Variants in PPP1R14C observed in about 807,000 individuals in gnomAD.
PPP1R14C encodes the protein protein phosphatase 1 regulatory subunit 14C.
PPP1R14C carries 16 observed loss-of-function variants against 20.4 expected under a neutral mutation model. The observed-to-expected ratio is 0.78, with a 90% CI of 0.53 to 1.19. The LOEUF (loss-of-function observed/expected upper bound fraction) is 1.19, where lower values mean the gene tolerates loss of function less well. Ranked by LOEUF, PPP1R14C falls within the 50% of genes most tolerant of loss-of-function variation. PPP1R14C has a pLI of 0.00. For missense variants in PPP1R14C, 211 were observed against 220.1 expected, an observed-to-expected ratio of 0.96 and a Z score of 0.26; for synonymous variants, 91 against 91.0, an observed-to-expected ratio of 1.00 and a Z score of 0.00.
At chr6:150,218,200 G>A (rs897578440) in intron 3 of PPP1R14C, among the ~76,000 whole-genome samples, 2 of 151,978 alleles carry the variant, frequency 1.3e-5, no homozygotes, top group African/African-American at 4.8e-5. Context: ...TCAGGAGATC[G>A]AGGCCATCCT....
intron 1 of PPP1R14C, among the ~76,000 whole-genome samples, chr6:150,165,512 G>T (rs1777413126): frequency 6.6e-6 from 1 of 152,228 alleles, no homozygotes; most frequent in Non-Finnish European, 1.5e-5. Flanking sequence ...TAACCATCCA[G>T]CCAGTCATGC....
chr6:150,219,184 T>C (rs1778136613), intron 3 of PPP1R14C, among the ~76,000 whole-genome samples: 1 of 152,100 alleles, frequency 6.6e-6, no homozygotes. Flanking sequence ...CCTTTTTGTA[T>C]AGCCCTTTGT....
At chr6:150,176,853 G>C (rs1351860042) in intron 1 of PPP1R14C, among the ~76,000 whole-genome samples, 1 of 152,178 alleles carries the variant, frequency 6.6e-6, no homozygotes, top group East Asian at 1.9e-4. Context: ...AGACCCTGTG[G>C]GCAAGGAGAT....
intron 1 of PPP1R14C, among the ~76,000 whole-genome samples, chr6:150,180,107 C>T (rs550006781): frequency 4.6e-5 from 7 of 152,284 alleles, no homozygotes; most frequent in Non-Finnish European, 8.8e-5. Context: ...GAAGCTGAGG[C>T]GTGAGAATCA....
chr6:150,204,806 C>T (rs770805795), intron 1 of PPP1R14C, among the ~76,000 whole-genome samples: 4 of 152,120 alleles, frequency 2.6e-5, no homozygotes, highest in African/African-American at 4.8e-5. Context: ...CCCAAGGGAC[C>T]GACTCTGTGC....
intron 1 of PPP1R14C, among the ~76,000 whole-genome samples, chr6:150,159,058 C>T (rs578050248): frequency 2.0e-5 from 3 of 152,148 alleles, no homozygotes; most frequent in African/African-American, 7.2e-5. Context: ...GATGGTACCA[C>T]TACCCACAGG....
At chr6:150,233,198 A>G (rs927610323) in intron 3 of PPP1R14C, among the ~76,000 whole-genome samples, 1 of 152,216 alleles carries the variant, frequency 6.6e-6, no homozygotes, top group Non-Finnish European at 1.5e-5. Context: ...GGAGGCCAGC[A>G]TTTAATCAGC....
chr6:150,156,116 T>C (rs1777303722), intron 1 of PPP1R14C, among the ~76,000 whole-genome samples: 1 of 151,186 alleles, frequency 6.6e-6, no homozygotes. Flanking sequence ...GTGAGTGAGC[T>C]ACTTCTTTCT....
At chr6:150,221,072 G>A (rs928623285) in intron 3 of PPP1R14C, among the ~76,000 whole-genome samples, 18 of 152,174 alleles carry the variant, frequency 1.2e-4, no homozygotes, top group African/African-American at 4.3e-4. Flanking sequence ...TCACTTATCT[G>A]TTAACGGGTC....
Position 150,249,884 on chromosome 6 carries a change from A to G in PPP1R14C, c.*1064A>G. 4.8e-6 allele frequency: 1 copy of G among 207,798 alleles called. No individual in the cohort carries two copies. The highest frequency in any genetic ancestry group is 9.5e-6 in the Non-Finnish European group (1 of 104,998). The allele number at this position is 207,798 out of a possible 1,614,324, so 12.9% of individuals were successfully genotyped here. Reference sequence around the variant, plus strand: ...ATTCTCTCAAGACAGTTGCTCTAGGAGCTGAGTTGCTGGTTTGGAAGTGTG... The same window carrying G: ...ATTCTCTCAAGACAGTTGCTCTAGGGGCTGAGTTGCTGGTTTGGAAGTGTG... On this transcript the variant is annotated 3_prime_UTR_variant, in exon 4 of 4. Transcript: ENST00000361131.
chr6:150,165,478 C>G (rs927246072), intron 1 of PPP1R14C, among the ~76,000 whole-genome samples: 5 of 152,206 alleles, frequency 3.3e-5, no homozygotes, highest in Admixed American at 2.0e-4. Context: ...CTCAGGTTGT[C>G]CAGTTGGCAG....
intron 1 of PPP1R14C, among the ~76,000 whole-genome samples, chr6:150,212,481 T>C (rs1433611534): frequency 6.6e-6 from 1 of 152,218 alleles, no homozygotes; most frequent in Non-Finnish European, 1.5e-5. Flanking sequence ...AAAGCCTGTT[T>C]GGCCTAACTT....
chr6:150,166,174 G>A (rs756486664), intron 1 of PPP1R14C, among the ~76,000 whole-genome samples: 2 of 151,718 alleles, frequency 1.3e-5, no homozygotes, highest in Non-Finnish European at 2.9e-5. Flanking sequence ...TCCGCCTCCC[G>A]GATTCATGCC....
At chr6:150,179,101 C>T (rs1582905814) in intron 1 of PPP1R14C, among the ~76,000 whole-genome samples, 1 of 151,962 alleles carries the variant, frequency 6.6e-6, no homozygotes, top group Non-Finnish European at 1.5e-5. Context: ...CTGGGGAGAC[C>T]CAGGGAGGAA....
chr6:150,165,629 C>T (rs1254861507), intron 1 of PPP1R14C, among the ~76,000 whole-genome samples: 1 of 152,084 alleles, frequency 6.6e-6, no homozygotes, highest in Non-Finnish European at 1.5e-5. Flanking sequence ...TTTGTTGTTT[C>T]TTTCTTTACA....
intron 1 of PPP1R14C, among the ~76,000 whole-genome samples, chr6:150,190,918 G>A (rs994091103): frequency 1.3e-5 from 2 of 152,034 alleles, no homozygotes; most frequent in African/African-American, 2.4e-5. Flanking sequence ...GAGTGATCCC[G>A]TTAATATAAG....
chr6:150,223,986 T>C (rs1402405761), intron 3 of PPP1R14C, among the ~76,000 whole-genome samples: 1 of 152,236 alleles, frequency 6.6e-6, no homozygotes, highest in East Asian at 1.9e-4. Flanking sequence ...GTTTTGCACT[T>C]TACATTAGGT....
In PPP1R14C at chr6:150,143,323, G is replaced by C; in HGVS notation, c.131G>C (p.Arg44Pro). The change falls in exon 1 of 4, where the codon CGG (arginine) becomes CCG (proline). Residue 44 changes from arginine to proline, a missense_variant. By Grantham distance (103) the Arg-to-Pro change is moderately radical. Coordinates refer to ENST00000361131, the MANE Select transcript of PPP1R14C (RefSeq NM_030949.3). This position sits in a 1 kb window ranked among gnomAD's most constrained non-coding sequence, Gnocchi z 5.6. ...TCCAGCAGCGGCTCAGGCTCCTCCCGGGAGGACTCGGCGCCCGTGGCCACG... is the reference window on the plus strand; with the variant it reads ...TCCAGCAGCGGCTCAGGCTCCTCCCCGGAGGACTCGGCGCCCGTGGCCACG... ...PGSSSGSGSS[R>P]EDSAPVATAA... 6.2e-7 allele frequency: 1 copy of C among 1,600,720 alleles called. No individual in the cohort carries two copies. The highest frequency in any genetic ancestry group is 8.5e-7 in the Non-Finnish European group (1 of 1,175,528).
chr6:150,147,462 G>A (rs1461264492), intron 1 of PPP1R14C, among the ~76,000 whole-genome samples: 1 of 151,954 alleles, frequency 6.6e-6, no homozygotes, highest in East Asian at 1.9e-4. Flanking sequence ...ACAGGCATGA[G>A]CCACCGCGCC....
Sources: allele counts gnomAD v4.1 joint callset (sites outside exome capture counted in the v4.1 genomes callset), GRCh38; gene constraint gnomAD v4.1.1; non-coding constraint Gnocchi (gnomAD v3.1); transcripts MANE v1.5; gene names NCBI Gene and HGNC (gene_info 2026-07-23, HGNC 2026-07-21).